GUCA1B: variants seen among roughly 807,000 people sequenced by gnomAD.
GUCA1B encodes the protein guanylate cyclase activator 1B.
Under a neutral mutation model 24.2 loss-of-function variants are expected in GUCA1B, and 22 were observed. The ratio of observed to expected loss-of-function variants is 0.91; its 90% CI spans 0.65 to 1.30. The LOEUF (loss-of-function observed/expected upper bound fraction) is 1.30. Ranked by LOEUF, GUCA1B falls within the 50% of genes most tolerant of loss-of-function variation. The pLI is 0.00. For synonymous variants in GUCA1B, 100 were observed against 97.9 expected, an observed-to-expected ratio of 1.02 and a Z score of -0.13; for missense variants, 221 against 258.8, an observed-to-expected ratio of 0.85 and a Z score of 1.00.
Position 42,184,678 on chromosome 6 carries a change from C to T in GUCA1B, c.*137G>A. The stretch of plus-strand genomic sequence containing the variant: ...TTCAAACCCAGCAGCCCTTCCCCAT[C>T]CCCACTCAGCCCTGCACAGGGGGTG... On this transcript the variant is annotated 3_prime_UTR_variant, in exon 4 of 4. Coordinates refer to ENST00000230361, the MANE Select transcript of GUCA1B (RefSeq NM_002098.6). The T allele has an allele frequency of 1.1e-6, 1 of 911,076 alleles. No individual in the cohort carries two copies. Among genetic ancestry groups the T allele is most frequent in the South Asian group, 1.3e-5 (1 of 76,280 alleles). 56.4% of individuals were successfully genotyped at this position (911,076 alleles called of 1,614,324 possible).
Position 42,194,866 on chromosome 6 carries a change from C to T in GUCA1B, c.-46G>A, listed in dbSNP as rs545901720. 37 of 1,354,558 alleles carry T rather than the reference C, an allele frequency of 2.7e-5. No homozygotes were observed. The highest frequency in any genetic ancestry group is 3.0e-5 in the Non-Finnish European group (29 of 972,200). The allele number at this position is 1,354,558 out of a possible 1,614,324, so 83.9% of individuals were successfully genotyped here. A position where few individuals can be genotyped will look rare whatever the true frequency, so the allele number is the denominator to read the frequency against. Reference sequence around the variant, plus strand: ...GGGAGCAAGGGTCTGTATCTCCTCCCTGGCTTCTGCTGATGGATCTCTCCA... The same window carrying T: ...GGGAGCAAGGGTCTGTATCTCCTCCTTGGCTTCTGCTGATGGATCTCTCCA... On this transcript the variant is annotated 5_prime_UTR_variant, in exon 1 of 4. Transcript: ENST00000230361.
At chr6:42,189,660 A>G (rs1448099504) in intron 1 of GUCA1B, among the ~76,000 whole-genome samples, 1 of 152,236 alleles carries the variant, frequency 6.6e-6, no homozygotes, top group East Asian at 1.9e-4. Flanking sequence ...CGCAGAGCTC[A>G]GGTGCTAATT....
chr6:42,188,521 C>T (rs1768236439), intron 2 of GUCA1B, 61 bp downstream of exon 2: 1 of 1,566,490 alleles, frequency 6.4e-7, no homozygotes, highest in African/African-American at 1.4e-5. Context: ...TGTGGCCAAC[C>T]TTCAGAGCTC....
In GUCA1B at chr6:42,184,464, T is replaced by G. The variant is rs1768159871; in HGVS notation, c.*351A>C. 2.8e-6 allele frequency: 1 copy of G among 361,476 alleles called. No homozygotes were observed. Among genetic ancestry groups the G allele is most frequent in the East Asian group, 6.9e-5 (1 of 14,452 alleles). The allele number at this position is 361,476 out of a possible 1,614,324, so 22.4% of individuals were successfully genotyped here. ...CCAGTCTTTGTGTTCTCATTTCTGA[T>G]TTGGTCTGTGGGACCCTCACCCCTC... On this transcript the variant is annotated 3_prime_UTR_variant, in exon 4 of 4. Coordinates refer to ENST00000230361, the MANE Select transcript of GUCA1B (RefSeq NM_002098.6).
chr6:42,185,825 CG>C, intron 2 of GUCA1B, 28 bp from the exon 3 acceptor site: 1 of 1,380,742 alleles, frequency 7.2e-7, no homozygotes, highest in Non-Finnish European at 1.0e-6. Flanking sequence ...GCTGCATTGA[CG>C]GGAGACCCTG....
intron 2 of GUCA1B, among the ~76,000 whole-genome samples, chr6:42,187,356 G>A (rs1037056432): frequency 2.6e-5 from 4 of 151,118 alleles, no homozygotes; most frequent in Admixed American, 2.6e-4. Flanking sequence ...TTCCTGCCTC[G>A]GCCTCCCAAA....
intron 1 of GUCA1B, among the ~76,000 whole-genome samples, chr6:42,191,461 C>G (rs1230637125): frequency 1.3e-5 from 2 of 152,114 alleles, no homozygotes; most frequent in Non-Finnish European, 2.9e-5. Context: ...AATGACACTC[C>G]TTGATATAAG....
chr6:42,193,205 G>A (rs915697091), intron 1 of GUCA1B, among the ~76,000 whole-genome samples: 1 of 152,150 alleles, frequency 6.6e-6, no homozygotes, highest in East Asian at 1.9e-4. Flanking sequence ...ATCATATGCC[G>A]ATTTATAAGA....
chr6:42,188,792 A>G, intron 1 of GUCA1B, 61 bp from the exon 2 acceptor site: 2 of 1,518,970 alleles, frequency 1.3e-6, no homozygotes, highest in South Asian at 2.3e-5. Context: ...TAGGCCATTC[A>G]TCCCTGCAAA....
intron 2 of GUCA1B, among the ~76,000 whole-genome samples, chr6:42,187,912 T>C (rs1768224031): frequency 6.6e-6 from 1 of 152,010 alleles, no homozygotes; most frequent in African/African-American, 2.4e-5. Flanking sequence ...AGTGGCATGA[T>C]CATAGCTTAC....
chr6:42,184,999 G>T, intron 3 of GUCA1B, 57 bp from the exon 4 acceptor site: 1 of 1,571,074 alleles, frequency 6.4e-7, no homozygotes, highest in South Asian at 1.1e-5. Context: ...TGGGTCTGGG[G>T]GCAGGAGGAG....
In GUCA1B at chr6:42,184,943, C is replaced by T. The variant is rs1165115435; in HGVS notation, c.476-1G>A. On this transcript the variant is annotated splice_acceptor_variant, in intron 3 of 3. Transcript: ENST00000230361. LOFTEE classifies it high-confidence loss of function. ...ACAAACTCGTTCAGAGACAGCTGGC[C>T]TGAGCAAGGGGGAGGAGAGGTGGTC... 6.2e-7 allele frequency: 1 copy of T among 1,614,140 alleles called. No individual in the cohort carries two copies. Among genetic ancestry groups the T allele is most frequent in the Non-Finnish European group, 8.5e-7 (1 of 1,179,998 alleles).
Position 42,183,749 on chromosome 6 carries a change from A to C in GUCA1B, c.*1066T>G, listed in dbSNP as rs1278612724. Among the ~76,000 whole-genome samples, 1 of 152,080 alleles carries C rather than the reference A, an allele frequency of 6.6e-6. No individual in the cohort carries two copies. On this transcript the variant is annotated 3_prime_UTR_variant, in exon 4 of 4. Coordinates refer to ENST00000230361, the MANE Select transcript of GUCA1B (RefSeq NM_002098.6). ...AGACAGAAGTTTTCTCCATCCTTTA[A>C]AGAGAAACATTCAGCTTATGGCTGG...
At position 42,184,795 on chromosome 6, in the gene GUCA1B, G is replaced by A. The variant is rs369635582; in HGVS notation, c.*20C>T. 156 of 1,612,750 alleles carry A rather than the reference G, an allele frequency of 9.7e-5. No individual in the cohort carries two copies. Among genetic ancestry groups the A allele is most frequent in the South Asian group, 3.7e-4 (34 of 91,054 alleles). On this transcript the variant is annotated 3_prime_UTR_variant, in exon 4 of 4. Coordinates refer to ENST00000230361, the MANE Select transcript of GUCA1B (RefSeq NM_002098.6). ...TGGAAACCTGGGTGAGCCTGGAGTCGTGGAGGGGCCCCAGACTCCTCAGAA... is the reference window on the plus strand; with the variant it reads ...TGGAAACCTGGGTGAGCCTGGAGTCATGGAGGGGCCCCAGACTCCTCAGAA...
intron 1 of GUCA1B, among the ~76,000 whole-genome samples, 157 bp downstream of exon 1, chr6:42,194,457 T>C (rs1768362270): frequency 6.6e-6 from 1 of 151,196 alleles, no homozygotes; most frequent in Non-Finnish European, 1.5e-5. Flanking sequence ...GACAGAAGGG[T>C]TTGGTGAGTG....
intron 1 of GUCA1B, among the ~76,000 whole-genome samples, chr6:42,189,604 C>T (rs1005404988): frequency 3.3e-5 from 5 of 152,164 alleles, no homozygotes; most frequent in African/African-American, 1.2e-4. Context: ...GACATTACAC[C>T]GAACAACAGG....
intron 2 of GUCA1B, among the ~76,000 whole-genome samples, chr6:42,188,131 C>T (rs1396658420): frequency 6.6e-6 from 1 of 152,204 alleles, no homozygotes; most frequent in Non-Finnish European, 1.5e-5. Flanking sequence ...CAGGAATGAG[C>T]CACTGCACCC....
rs779946057 is a variant in GUCA1B, at chr6:42,184,694, A to G, written c.*121T>C. The G allele has an allele frequency of 7.7e-6, 8 of 1,044,892 alleles. No homozygotes were observed. In the African/African-American group the frequency reaches 1.2e-4, roughly 16 times the overall value. The allele number at this position is 1,044,892 out of a possible 1,614,324, so 64.7% of individuals were successfully genotyped here. A position where few individuals can be genotyped will look rare whatever the true frequency, so the allele number is the denominator to read the frequency against. On this transcript the variant is annotated 3_prime_UTR_variant, in exon 4 of 4. Transcript: ENST00000230361. ...CTTCCCCATCCCCACTCAGCCCTGCACAGGGGGTGCCAGGAAGTCAACACC... is the reference window on the plus strand; with the variant it reads ...CTTCCCCATCCCCACTCAGCCCTGCGCAGGGGGTGCCAGGAAGTCAACACC...
chr6:42,186,619 A>AAG (rs1768197765), intron 2 of GUCA1B, among the ~76,000 whole-genome samples: 1 of 151,888 alleles, frequency 6.6e-6, no homozygotes, highest in African/African-American at 2.4e-5. Context: ...GAAAGAAAGC[A>AAG]CCATGTAAAT....
Sources: allele counts gnomAD v4.1 joint callset (sites outside exome capture counted in the v4.1 genomes callset), GRCh38; gene constraint gnomAD v4.1.1; transcripts MANE v1.5; gene names NCBI Gene and HGNC (gene_info 2026-07-23, HGNC 2026-07-21).